The following TLN1 variants were observed in gnomAD, a reference collection of about 807,000 sequenced individuals.
The protein encoded by TLN1 is talin-1.
TLN1 carries 56 observed loss-of-function variants against 292.3 expected under a neutral mutation model. The ratio of observed to expected loss-of-function variants is 0.19; its 90% CI spans 0.15 to 0.24. The LOEUF is 0.24. Among genes scored for constraint, TLN1 ranks in the 10% least tolerant of loss-of-function variants. TLN1 has a pLI of 1.00. For missense variants in TLN1, 2,433 were observed against 3,248.2 expected (o/e 0.75, Z 6.10); for synonymous variants, 1,119 against 1,253.7 (o/e 0.89, Z 2.27).
chr9:35,722,366 C>A (rs531365576), intron 8 of TLN1, 143 bp from the exon 9 acceptor site: 3 of 727,974 alleles, frequency 4.1e-6, no homozygotes, highest in African/African-American at 3.5e-5. Context: ...GAGAGGGTAA[C>A]GGGATGGAGG....
Position 35,720,475 on chromosome 9 carries a change from T to A in TLN1, c.1241A>T (p.Asp414Val). 6.2e-7 allele frequency: 1 copy of A among 1,613,956 alleles called. No homozygotes were observed. The highest frequency in any genetic ancestry group is 1.3e-5 in the African/African-American group (1 of 74,964). The change falls in exon 12 of 57, where the codon GAT becomes GTT. Residue 414 changes from aspartate to valine, a missense_variant. This residue lies in a region of TLN1 where 617 missense variants were observed against 770.6 expected (regional missense o/e 0.80). Transcript: ENST00000314888. Reference protein sequence around the residue: ...KSKDHFGLEGDEESTMLEDSV... With the variant: ...KSKDHFGLEGVEESTMLEDSV... Reference sequence around the variant, plus strand: ...GTCCTCCAGCATAGTAGACTCCTCATCTCCTTCCAGCCCAAAGTGATCCTT... The same window carrying A: ...GTCCTCCAGCATAGTAGACTCCTCAACTCCTTCCAGCCCAAAGTGATCCTT...
At chr9:35,705,041 A>G (rs1212636251) in intron 43 of TLN1, among the ~76,000 whole-genome samples, 1 of 152,192 alleles carries the variant, frequency 6.6e-6, no homozygotes, top group African/African-American at 2.4e-5. Flanking sequence ...AGTGGTGAGG[A>G]TTGTGTTAAG....
chr9:35,712,541 G>C (rs1825692582), intron 27 of TLN1, among the ~76,000 whole-genome samples: 1 of 151,992 alleles, frequency 6.6e-6, no homozygotes, highest in Non-Finnish European at 1.5e-5. Flanking sequence ...CCAGCTACTA[G>C]GGAGTCTGAG....
chr9:35,706,350 T>C lies in TLN1; in HGVS notation c.5207A>G (p.Gln1736Arg), dbSNP rs1825565192. 1 of 1,610,030 alleles carries C rather than the reference T, an allele frequency of 6.2e-7. No individual in the cohort carries two copies. The highest frequency in any genetic ancestry group is 1.7e-5 in the Admixed American group (1 of 59,710). ...AGCCAGGGTGAGCGGCTCAAAGTAC[T>C]GCGCCATCTGGGACACCTGAGGCAA... ...QLGHKVSQMA[Q>R]YFEPLTLAAV... Residue 1736 changes from glutamine to arginine, a missense_variant, in exon 40 of 57, where the codon CAG becomes CGG. Around this residue, in one of 7 missense-constraint regions of TLN1, gnomAD observed 1,384 missense variants for 1,699.6 expected, o/e 0.81. Transcript: ENST00000314888. This position sits in a 1 kb window ranked among gnomAD's most constrained non-coding sequence, Gnocchi z 4.2.
In TLN1 at chr9:35,704,040, A is replaced by T. The variant is rs745339374; in HGVS notation, c.6182T>A (p.Val2061Glu). ...SVATITRLADVVKLGAASLGA... is the reference protein window; with the variant it reads ...SVATITRLADEVKLGAASLGA... ...CAGGCTGGCTGCACCCAGCTTGACC[A>T]CATCAGCGAGGCGGGTGATGGTCGC... Residue 2061 changes from valine to glutamate, a missense_variant, in exon 46 of 57, where the codon GTG (valine) becomes GAG (glutamate). Coordinates refer to ENST00000314888, the MANE Select transcript of TLN1 (RefSeq NM_006289.4). The surrounding 1 kb of genome is among the most constrained non-coding windows in gnomAD (Gnocchi z 6.9). 1 of 1,613,890 alleles carries T rather than the reference A, an allele frequency of 6.2e-7. No homozygotes were observed. Among genetic ancestry groups the T allele is most frequent in the Middle Eastern group, 1.7e-4 (1 of 6,060 alleles).
Position 35,717,566 on chromosome 9 carries a change from G to A in TLN1, c.2163+53C>T, listed in dbSNP as rs1825808342. 3 of 1,587,410 alleles carry A rather than the reference G, an allele frequency of 1.9e-6. No homozygotes were observed. Among genetic ancestry groups the A allele is most frequent in the Non-Finnish European group, 2.6e-6 (3 of 1,161,090 alleles). On this transcript the variant is annotated intron_variant, in intron 18 of 56. Transcript: ENST00000314888. The surrounding 1 kb of genome is among the most constrained non-coding windows in gnomAD (Gnocchi z 4.7). ...AAGAAATAAAATGAAAGGCTCACGT[G>A]TGTGTGGTAGTATTACCCCTCAGCA...
intron 48 of TLN1, among the ~76,000 whole-genome samples, chr9:35,701,441 A>G (rs577091817): frequency 2.0e-5 from 3 of 152,224 alleles, no homozygotes; most frequent in African/African-American, 7.2e-5. Flanking sequence ...TGCCCAGCTA[A>G]TCTTTAAATT....
intron 1 of TLN1, among the ~76,000 whole-genome samples, chr9:35,729,957 G>T (rs199756712): frequency 6.6e-6 from 1 of 151,402 alleles, no homozygotes; most frequent in Admixed American, 6.6e-5. Context: ...GGGGAAGACA[G>T]GGTGTAGAAA....
At chr9:35,731,215 C>G (rs778928290) in intron 1 of TLN1, among the ~76,000 whole-genome samples, 22 of 152,178 alleles carry the variant, frequency 1.4e-4, no homozygotes, top group Non-Finnish European at 3.1e-4. Flanking sequence ...CTGCCAACCT[C>G]TTAAATTTTA....
Position 35,711,307 on chromosome 9 carries a change from A to T in TLN1, c.3967T>A (p.Ser1323Thr). ...SKLLLAAKAL[S>T]TDPAAPNLKS... is the part of the protein sequence containing the mutation. ...AGGTTAGGGGCAGCAGGGTCCGTGG[A>T]CAGGGCCTTGGCAGCCAGAAGAAGT... is the stretch of plus-strand genomic sequence containing the variant. The change falls in exon 30 of 57, where the codon TCC (serine) becomes ACC (threonine). Residue 1323 changes from serine (S) to threonine (T), a missense_variant. Physicochemically the swap from Ser to Thr is moderately conservative, Grantham distance 58. Transcript: ENST00000314888. The T allele has an allele frequency of 6.2e-7, 1 of 1,614,200 alleles. No individual in the cohort carries two copies. The highest frequency in any genetic ancestry group is 8.5e-7 in the Non-Finnish European group (1 of 1,180,036).
In TLN1 at chr9:35,717,129, G is replaced by A; in HGVS notation, c.2458+17C>T. 1 of 1,573,776 alleles carries A rather than the reference G, an allele frequency of 6.4e-7. No individual in the cohort carries two copies. The highest frequency in any genetic ancestry group is 8.7e-7 in the Non-Finnish European group (1 of 1,155,766). ...CCCTGGTAGGGTTTTTTGTTTTCCT[G>A]GGGGTGCGTGTCTTACCAGCATCAC... On this transcript the variant is annotated intron_variant, in intron 19 of 56. Transcript: ENST00000314888. The surrounding 1 kb of genome is among the most constrained non-coding windows in gnomAD (Gnocchi z 4.7).
rs771416079 is a variant in TLN1 at position 35,700,353 on chromosome 9, A to T, written c.6498T>A (p.Pro2166=). The T allele has an allele frequency of 1.9e-6, 3 of 1,602,538 alleles. No homozygotes were observed. Among genetic ancestry groups the T allele is most frequent in the Non-Finnish European group, 2.6e-6 (3 of 1,170,422 alleles). ...ELAVFCSPEP[P]AKTSTPEDFI... is the part of the protein sequence containing the mutation. ...AGTCTTCTGGGGTAGAGGTCTTGGC[A>T]GGTGGCTCTGGGGAACAGAAAACCT... The change falls in exon 49 of 57, where the codon CCT becomes CCA. Residue 2166 remains proline, a synonymous_variant. Coordinates refer to ENST00000314888, the MANE Select transcript of TLN1 (RefSeq NM_006289.4).
chr9:35,719,439 T>C lies in TLN1; in HGVS notation c.1687+80A>G. 3 of 1,407,284 alleles carry C rather than the reference T, an allele frequency of 2.1e-6. No individual in the cohort carries two copies. The highest frequency in any genetic ancestry group is 2.3e-5 in the East Asian group (1 of 43,868). 87.2% of individuals were successfully genotyped at this position (1,407,284 alleles called of 1,614,324 possible). A position where few individuals can be genotyped will look rare whatever the true frequency, so the allele number is the denominator to read the frequency against. On this transcript the variant is annotated intron_variant, in intron 15 of 56. Transcript: ENST00000314888. This position sits in a 1 kb window ranked among gnomAD's most constrained non-coding sequence, Gnocchi z 4.6. Reference sequence around the variant, plus strand: ...CAGTGAGTCAAGGCACAGTCACACATGAAGCCAGTCACATGCATGCCTGTG... The same window carrying C: ...CAGTGAGTCAAGGCACAGTCACACACGAAGCCAGTCACATGCATGCCTGTG...
rs750318397 is a variant in TLN1, at chr9:35,713,070, G to A, written c.3353-27C>T. On this transcript the variant is annotated intron_variant, in intron 26 of 56. Transcript: ENST00000314888. ...TTGGGAGATGAGGAGAAAGAGGGAA[G>A]GGAAGGTGCTTTCATTGCCAGGCCC... The A allele has an allele frequency of 2.5e-6, 4 of 1,582,824 alleles. No individual in the cohort carries two copies. The East Asian group carries it at 6.9e-5, about 27-fold the overall frequency.
Position 35,711,022 on chromosome 9 carries a change from C to T in TLN1, c.4080G>A (p.Gln1360=). ...CCCGCAGGGCGTTATCACACTCCTT[C>T]TGGCCGGGTGCCTGCTGGGTGCACA... ...ITMCTQQAPG[Q]KECDNALREL... The change falls in exon 31 of 57, where the codon CAG becomes CAA. Residue 1360 remains glutamine (Q), a synonymous_variant. Coordinates refer to ENST00000314888, the MANE Select transcript of TLN1 (RefSeq NM_006289.4). 1 of 1,614,262 alleles carries T rather than the reference C, an allele frequency of 6.2e-7. No individual in the cohort carries two copies. The highest frequency in any genetic ancestry group is 8.5e-7 in the Non-Finnish European group (1 of 1,180,048).
chr9:35,719,047 C>T lies in TLN1; in HGVS notation c.1896+27G>A, dbSNP rs1166960722. On this transcript the variant is annotated intron_variant, in intron 16 of 56. Transcript: ENST00000314888. This position sits in a 1 kb window ranked among gnomAD's most constrained non-coding sequence, Gnocchi z 4.6. Reference sequence around the variant, plus strand: ...TCCTTGGGCTTGAACCCTGTCTCCACCCTAACCCAAACCTGTGGCCCCTGA... The same window carrying T: ...TCCTTGGGCTTGAACCCTGTCTCCATCCTAACCCAAACCTGTGGCCCCTGA... 1.2e-6 allele frequency: 2 copies of T among 1,604,564 alleles called. No individual in the cohort carries two copies. The highest frequency in any genetic ancestry group is 3.3e-5 in the Admixed American group (2 of 59,736).
intron 43 of TLN1, among the ~76,000 whole-genome samples, chr9:35,705,247 G>T (rs1825544002): frequency 6.6e-6 from 1 of 152,346 alleles, no homozygotes; most frequent in Non-Finnish European, 1.5e-5. Context: ...TTTGCAACAA[G>T]AAAGAACAAG....
chr9:35,718,775 G>A, intron 17 of TLN1, 37 bp downstream of exon 17: 2 of 1,575,262 alleles, frequency 1.3e-6, no homozygotes, highest in Non-Finnish European at 1.7e-6. Flanking sequence ...TTACTTCCTA[G>A]ATTCTGGGGT....
In TLN1 at chr9:35,700,233, A is replaced by G; in HGVS notation, c.6618T>C (p.Asn2206=). The change falls in exon 49 of 57, where the codon AAT becomes AAC. Residue 2206 remains asparagine (N), a synonymous_variant. Coordinates refer to ENST00000314888, the MANE Select transcript of TLN1 (RefSeq NM_006289.4). Reference sequence around the variant, plus strand: ...TATCTGCAATAGCACGGCGGCTCAGATTGGCTGTGGCAATGACATCTTCCT... The same window carrying G: ...TATCTGCAATAGCACGGCGGCTCAGGTTGGCTGTGGCAATGACATCTTCCT... The part of the protein sequence containing the change: ...CRQEDVIATA[N]LSRRAIADML... 1 of 1,611,928 alleles carries G rather than the reference A, an allele frequency of 6.2e-7. No individual in the cohort carries two copies. Among genetic ancestry groups the G allele is most frequent in the South Asian group, 1.1e-5 (1 of 91,048 alleles).
Sources: allele counts gnomAD v4.1 joint callset (sites outside exome capture counted in the v4.1 genomes callset), GRCh38; gene constraint gnomAD v4.1.1; regional missense constraint gnomAD v4.1.1; non-coding constraint Gnocchi (gnomAD v3.1); transcripts MANE v1.5; gene names NCBI Gene and HGNC (gene_info 2026-07-23, HGNC 2026-07-21).